Variants in ZBTB25 observed in about 807,000 individuals in gnomAD.
ZBTB25 encodes zinc finger and BTB domain containing 25, also known as zinc finger and BTB domain-containing protein 25.
Under a neutral mutation model 34.2 loss-of-function variants are expected in ZBTB25, and 20 were observed. That is an observed-to-expected ratio of 0.58 (90% CI 0.41 to 0.85). The LOEUF (loss-of-function observed/expected upper bound fraction) is 0.85, where lower values mean the gene tolerates loss of function less well. Among genes scored for constraint, ZBTB25 ranks in the 40% least tolerant of loss-of-function variants. ZBTB25 has a pLI of 0.00. For missense variants in ZBTB25, 437 were observed against 521.8 expected (o/e 0.84, Z 1.58); for synonymous variants, 175 against 186.4 (o/e 0.94, Z 0.50).
chr14:64,478,874 C>T lies in ZBTB25; in HGVS notation c.*8049G>A, dbSNP rs2078745708. ...AAGGTACACTGGTGCCACCTTTTGG[C>T]CAGATTAAAAATTCACAGAAATTAT... On this transcript the variant is annotated 3_prime_UTR_variant, in exon 3 of 3. Transcript: ENST00000608382. 4 of 152,014 alleles carry T rather than the reference C, an allele frequency of 2.6e-5. No individual in the cohort carries two copies. The allele number at this position is 152,014 out of a possible 1,614,324, so 9.4% of individuals were successfully genotyped here.
chr14:64,492,663 T>C (rs2079125019), intron 1 of ZBTB25, among the ~76,000 whole-genome samples: 1 of 151,744 alleles, frequency 6.6e-6, no homozygotes, highest in South Asian at 2.1e-4. Flanking sequence ...CTTCCCATTA[T>C]ATTGAACTAC....
intron 1 of ZBTB25, chr14:64,502,615 T>C: frequency 1.0e-6 from 1 of 984,880 alleles, no homozygotes; most frequent in Admixed American, 6.1e-5. Flanking sequence ...ATGCCTGACT[T>C]CTCCATAACC....
intron 2 of ZBTB25, among the ~76,000 whole-genome samples, 188 bp from the exon 3 acceptor site, chr14:64,488,245 T>G (rs1172750677): frequency 1.3e-5 from 2 of 152,112 alleles, no homozygotes; most frequent in African/African-American, 4.8e-5. Context: ...TAGCAAAAAG[T>G]CTTCATGTAT....
intron 2 of ZBTB25, chr14:64,449,674 G>A (rs1269242714): frequency 1.4e-5 from 22 of 1,594,156 alleles, no homozygotes; most frequent in East Asian, 2.2e-5. Context: ...AGGGCACAGT[G>A]AAGTTTCTGT....
At chr14:64,452,251 C>T (rs1269462124) in intron 2 of ZBTB25, among the ~76,000 whole-genome samples, 2 of 152,166 alleles carry the variant, frequency 1.3e-5, no homozygotes, top group South Asian at 2.1e-4. Flanking sequence ...GCTGAGATGA[C>T]GCCATTGCAC....
chr14:64,449,144 C>G, exon 3 of ZBTB25: 1 of 431,640 alleles, frequency 2.3e-6, no homozygotes, highest in Non-Finnish European at 4.3e-6. Context: ...TTCTGGAGTG[C>G]TGGGAATTTT....
At position 64,478,467 on chromosome 14, in the gene ZBTB25, A is replaced by C. The variant is rs767841925; in HGVS notation, c.*8456T>G. The C allele has an allele frequency of 1.3e-5, 2 of 152,220 alleles. No individual in the cohort carries two copies. The highest frequency in any genetic ancestry group is 2.9e-5 in the Non-Finnish European group (2 of 68,048). The allele number at this position is 152,220 out of a possible 1,614,324, so 9.4% of individuals were successfully genotyped here. A position where few individuals can be genotyped will look rare whatever the true frequency, so the allele number is the denominator to read the frequency against. ...GTACAAAAAATGAACAAAAGGCAAG[A>C]AAGGAGCAAGGGAGCGTATTTACTC... is the stretch of plus-strand genomic sequence containing the variant. On this transcript the variant is annotated 3_prime_UTR_variant, in exon 3 of 3. Transcript: ENST00000608382.
chr14:64,499,097 G>C (rs900370960), intron 1 of ZBTB25, among the ~76,000 whole-genome samples: 35 of 141,790 alleles, frequency 2.5e-4, no homozygotes, highest in African/African-American at 7.4e-4. Flanking sequence ...TTACTTTCTA[G>C]ATTGTATAAC....
chr14:64,490,571 G>C (rs933437652), intron 1 of ZBTB25, 31 bp from the exon 2 acceptor site: 4 of 1,564,954 alleles, frequency 2.6e-6, no homozygotes, highest in South Asian at 1.2e-5. Flanking sequence ...AATGTAGATA[G>C]GTGTGTATGT....
At chr14:64,491,795 A>T (rs1468431492) in intron 1 of ZBTB25, among the ~76,000 whole-genome samples, 1 of 152,190 alleles carries the variant, frequency 6.6e-6, no homozygotes. Flanking sequence ...GCAGACACTG[A>T]AAAAGAGAAT....
intron 2 of ZBTB25, chr14:64,458,137 C>T (rs1596573493): frequency 8.7e-7 from 1 of 1,153,976 alleles, no homozygotes; most frequent in East Asian, 2.3e-5. Context: ...GTGATCCTCT[C>T]CACCTCAGCC....
At position 64,487,172 on chromosome 14, in the gene ZBTB25, G is replaced by T. The variant is rs774236600; in HGVS notation, c.1059C>A (p.Ile353=). The change falls in exon 3 of 3, where the codon ATC becomes ATA. Residue 353 remains isoleucine, a synonymous_variant. Transcript: ENST00000608382. Reference sequence around the variant, plus strand: ...TCTTTCGAGGGAATTTATGACCACAGATGGTACAGCTCATTTTTCTTTTCC... The same window carrying T: ...TCTTTCGAGGGAATTTATGACCACATATGGTACAGCTCATTTTTCTTTTCC... ...FSRKRKMSCT[I]CGHKFPRKSQ... 3.1e-6 allele frequency: 5 copies of T among 1,614,178 alleles called. No individual in the cohort carries two copies. The South Asian group carries it at 5.5e-5, about 18-fold the overall frequency.
chr14:64,461,052 CTCT>C (rs2078549024), intron 2 of ZBTB25: 1 of 151,894 alleles, frequency 6.6e-6, no homozygotes, highest in African/African-American at 2.4e-5. Flanking sequence ...ATTTTTCCTT[CTCT>C]TCTTGTTCTT....
rs2078770621 is a variant in ZBTB25 at position 64,480,345 on chromosome 14, A to G, written c.*6578T>C. 2 of 385,794 alleles carry G rather than the reference A, an allele frequency of 5.2e-6. No individual in the cohort carries two copies. Among genetic ancestry groups the G allele is most frequent in the Non-Finnish European group, 5.0e-6 (1 of 199,020 alleles). 23.9% of individuals were successfully genotyped at this position (385,794 alleles called of 1,614,324 possible). A position where few individuals can be genotyped will look rare whatever the true frequency, so the allele number is the denominator to read the frequency against. On this transcript the variant is annotated 3_prime_UTR_variant, in exon 3 of 3. Transcript: ENST00000608382. ...CTCAAAAAAAAAAAAAAAAAAAAAA[A>G]AGAAGAAGCAAAGCAAGAAACTTCT...
intron 2 of ZBTB25, chr14:64,458,169 C>G: frequency 6.9e-7 from 1 of 1,449,754 alleles, no homozygotes; most frequent in South Asian, 1.1e-5. Context: ...GCGTGAGCCA[C>G]TGTGCCCAGC....
chr14:64,503,594 C>T lies in ZBTB25; in HGVS notation c.-8+67G>A, dbSNP rs2079571303. ...ACTGGTGCAGCTGCAGGCCGCCGCC[C>T]TGGGTGGCTCGCGGCAGGAGGGACT... On this transcript the variant is annotated intron_variant, in intron 1 of 2. Coordinates refer to ENST00000608382, the MANE Select transcript of ZBTB25 (RefSeq NM_006977.5). 5 of 985,474 alleles carry T rather than the reference C, an allele frequency of 5.1e-6. No individual in the cohort carries two copies. The South Asian group carries it at 1.9e-4, about 37-fold the overall frequency. The allele number at this position is 985,474 out of a possible 1,614,324, so 61.0% of individuals were successfully genotyped here. A position where few individuals can be genotyped will look rare whatever the true frequency, so the allele number is the denominator to read the frequency against.
downstream of ZBTB25, chr14:64,477,914 T>G (rs1236630759): frequency 6.6e-6 from 1 of 152,218 alleles, no homozygotes; most frequent in Non-Finnish European, 1.5e-5. Context: ...CCACAGTGGG[T>G]GAGAGCCATC....
At chr14:64,449,943 C>T (rs1197825077) in intron 2 of ZBTB25, among the ~76,000 whole-genome samples, 2 of 152,178 alleles carry the variant, frequency 1.3e-5, no homozygotes, top group East Asian at 1.9e-4. Flanking sequence ...CGTCTGCCAC[C>T]GTGCCCAGCT....
intron 2 of ZBTB25, chr14:64,465,459 C>A (rs1480099845): frequency 6.6e-6 from 1 of 151,910 alleles, no homozygotes; most frequent in East Asian, 1.9e-4. Context: ...GCTGTCTGTC[C>A]CCGCGCGGTG....
Sources: gnomAD v4.1 joint callset for allele counts (sites outside exome capture counted in the v4.1 genomes callset) on GRCh38, gnomAD v4.1.1 for gene constraint, MANE v1.5 for transcripts, NCBI Gene and HGNC (gene_info 2026-07-23, HGNC 2026-07-21) for gene names.